RUFY1: variants seen among roughly 807,000 people sequenced by gnomAD.
RUFY1 encodes RUN and FYVE domain containing 1, also known as RUN and FYVE domain-containing protein 1.
In RUFY1, 54 loss-of-function variants were observed where a neutral mutation model predicts 94.6. The observed-to-expected ratio is 0.57, with a 90% confidence interval of 0.46 to 0.72. The LOEUF is 0.72. Ranked by LOEUF, RUFY1 falls within the 30% of genes least tolerant of loss-of-function variation. The pLI, the probability that RUFY1 is intolerant of heterozygous loss-of-function variation, is 0.00. For synonymous variants in RUFY1, 396 were observed against 347.3 expected, an observed-to-expected ratio of 1.14 and a Z score of -1.56; for missense variants, 883 against 883.9, an observed-to-expected ratio of 1.00 and a Z score of 0.01.
In RUFY1 at chr5:179,550,717, C is replaced by T; in HGVS notation, c.148C>T (p.Leu50=). 6.7e-7 allele frequency: 1 copy of T among 1,486,110 alleles called. No individual in the cohort carries two copies. The highest frequency in any genetic ancestry group is 1.3e-5 in the South Asian group (1 of 79,482). 92.1% of individuals were successfully genotyped at this position (1,486,110 alleles called of 1,614,324 possible). The change falls in exon 1 of 18, where the codon CTG becomes TTG. Residue 50 remains leucine, a synonymous_variant. Coordinates refer to ENST00000319449, the MANE Select transcript of RUFY1 (RefSeq NM_025158.5). ...AAGCCAGCTGCCCGGCCCAGGCGAC[C>T]TGCGGAGCGCAACGAGGCCGCGGGC... The part of the protein sequence containing the change: ...DRSQLPGPGD[L]RSATRPRAAE...
intron 1 of RUFY1, among the ~76,000 whole-genome samples, chr5:179,558,115 T>G (rs1450051732): frequency 6.6e-6 from 1 of 152,244 alleles, no homozygotes; most frequent in Non-Finnish European, 1.5e-5. Context: ...GCTTGGTGTC[T>G]TCTTTAAAGA....
intron 15 of RUFY1, among the ~76,000 whole-genome samples, chr5:179,605,035 T>C (rs1470680003): frequency 6.6e-6 from 1 of 151,324 alleles, no homozygotes; most frequent in Non-Finnish European, 1.5e-5. Context: ...TCCTAGCACT[T>C]TGGGAGGCTG....
chr5:179,602,828 C>G (rs1437369796), intron 15 of RUFY1: 1 of 152,272 alleles, frequency 6.6e-6, no homozygotes, highest in Non-Finnish European at 1.5e-5. Context: ...CAAACTCCCT[C>G]TTCTTTGTGC....
intron 1 of RUFY1, among the ~76,000 whole-genome samples, chr5:179,551,806 C>T (rs1761868515): frequency 6.7e-6 from 1 of 149,744 alleles, no homozygotes; most frequent in East Asian, 2.1e-4. Flanking sequence ...AGCCACCGCG[C>T]CCGGCCGGAT....
intron 14 of RUFY1, among the ~76,000 whole-genome samples, chr5:179,600,820 C>T (rs1766296497): frequency 6.6e-6 from 1 of 150,958 alleles, no homozygotes; most frequent in Non-Finnish European, 1.5e-5. Context: ...CCTCAGCCTC[C>T]CGAGTAGTTG....
chr5:179,588,821 C>T (rs905522148), intron 8 of RUFY1, among the ~76,000 whole-genome samples: 2 of 152,212 alleles, frequency 1.3e-5, no homozygotes, highest in Non-Finnish European at 2.9e-5. Flanking sequence ...ACCTCCGCCT[C>T]CTGGGCTCAA....
chr5:179,550,610 G>GGGAGCTGGAGCC lies in RUFY1; in HGVS notation c.56_67dup (p.Glu19_Pro22dup), dbSNP rs1387980208. On this transcript the variant is annotated inframe_insertion, in exon 1 of 18. Transcript: ENST00000319449. ...GGCGGCTGCGCTGCTGGGCGGGGGC[G>GGGAGCTGGAGCC]GGAGCTGGAGCCGGAGCTGGAGCCG... The GGGAGCTGGAGCC allele has an allele frequency of 1.4e-4, 186 of 1,317,244 alleles. No individual in the cohort carries two copies. The highest frequency in any genetic ancestry group is 1.6e-4 in the Non-Finnish European group (166 of 1,041,808). 81.6% of individuals were successfully genotyped at this position (1,317,244 alleles called of 1,614,324 possible). A position where few individuals can be genotyped will look rare whatever the true frequency, so the allele number is the denominator to read the frequency against.
chr5:179,602,402 C>T (rs1766532305), intron 15 of RUFY1: 1 of 162,040 alleles, frequency 6.2e-6, no homozygotes. Flanking sequence ...CAGCCCCCTT[C>T]CTTTCGGGGA....
intron 8 of RUFY1, chr5:179,589,318 G>C (rs1764852311): frequency 8.6e-6 from 4 of 466,712 alleles, no homozygotes; most frequent in Admixed American, 3.6e-5. Context: ...AGAAAATCTG[G>C]AGAGGGCAGA....
In RUFY1 at chr5:179,550,680, G is replaced by A. The variant is rs1364287608; in HGVS notation, c.111G>A (p.Glu37=). The change falls in exon 1 of 18, where the codon GAG becomes GAA. Residue 37 remains glutamate, a synonymous_variant. Coordinates refer to ENST00000319449, the MANE Select transcript of RUFY1 (RefSeq NM_025158.5). The part of the protein sequence containing the change: ...GSALEPGEEF[E]IVDRSQLPGP... ...CGCTTGAGCCGGGAGAAGAGTTTGA[G>A]ATCGTGGACCGAAGCCAGCTGCCCG... The A allele has an allele frequency of 4.0e-6, 6 of 1,498,802 alleles. No individual in the cohort carries two copies. The highest frequency in any genetic ancestry group is 2.0e-5 in the Admixed American group (1 of 49,044). The allele number at this position is 1,498,802 out of a possible 1,614,324, so 92.8% of individuals were successfully genotyped here.
chr5:179,576,112 T>C (rs1222325542), intron 5 of RUFY1, among the ~76,000 whole-genome samples: 1 of 152,074 alleles, frequency 6.6e-6, no homozygotes, highest in Non-Finnish European at 1.5e-5. Context: ...ATCTACTGCG[T>C]TCTTTGTTAT....
chr5:179,578,798 C>T (rs1470864218), intron 6 of RUFY1, among the ~76,000 whole-genome samples: 1 of 151,828 alleles, frequency 6.6e-6, no homozygotes, highest in Non-Finnish European at 1.5e-5. Flanking sequence ...ACATGTGCCA[C>T]CATGCCTGGC....
At chr5:179,559,773 C>G (rs1324983719) in intron 1 of RUFY1, 1 of 1,236,290 alleles carries the variant, frequency 8.1e-7, no homozygotes, top group African/African-American at 1.6e-5. Context: ...GCGGAGCCGT[C>G]TGGGAGAGGC....
intron 10 of RUFY1, 127 bp from the exon 11 acceptor site, chr5:179,593,350 AT>A (rs1765265234): frequency 9.2e-7 from 1 of 1,090,328 alleles, no homozygotes; most frequent in Non-Finnish European, 1.3e-6. Flanking sequence ...AGTGCTGAGG[AT>A]TACAGGCATG....
In RUFY1 at chr5:179,581,006, A is replaced by C. The variant is rs1312355039; in HGVS notation, c.950A>C (p.His317Pro). The C allele has an allele frequency of 1.2e-6, 2 of 1,601,270 alleles. No homozygotes were observed. The highest frequency in any genetic ancestry group is 1.7e-6 in the Non-Finnish European group (2 of 1,170,350). Residue 317 changes from histidine (H) to proline (P), a missense_variant, in exon 7 of 18, where the codon CAC (histidine) becomes CCC (proline). His to Pro is a moderately conservative substitution (Grantham distance 77). Transcript: ENST00000319449. ...QKNYVEELNR[H>P]LSCTVGDLQT... ...AATTATGTGGAAGAACTTAACCGGC[A>C]CTTGAGGTAAGACTCCTTTTTTTTT... is the stretch of plus-strand genomic sequence containing the variant.
chr5:179,586,230 C>T, intron 8 of RUFY1: 1 of 435,032 alleles, frequency 2.3e-6, no homozygotes, highest in South Asian at 1.8e-5. Context: ...AGCACAGACT[C>T]TGTCATAAGG....
At chr5:179,565,154 T>C (rs1003347920) in intron 3 of RUFY1, among the ~76,000 whole-genome samples, 4 of 148,786 alleles carry the variant, frequency 2.7e-5, no homozygotes, top group African/African-American at 7.4e-5. Context: ...TTTAATACTT[T>C]CTAGGTTTTC....
In RUFY1 at chr5:179,585,824, A is replaced by G. The variant is rs755724590; in HGVS notation, c.985A>G (p.Ile329Val). Residue 329 changes from isoleucine to valine, a missense_variant, in exon 8 of 18, where the codon ATA becomes GTA. Ile to Val is a conservative substitution (Grantham distance 29). Transcript: ENST00000319449. ...SCTVGDLQTK[I>V]DGLEKTNSKL... ...CACAGTTGGGGATCTTCAAACCAAGATAGATGGCTTGGAAAAGACTAACTC... is the reference window on the plus strand; with the variant it reads ...CACAGTTGGGGATCTTCAAACCAAGGTAGATGGCTTGGAAAAGACTAACTC... 1.1e-5 allele frequency: 18 copies of G among 1,613,900 alleles called. No individual in the cohort carries two copies. The highest frequency in any genetic ancestry group is 1.4e-5 in the Non-Finnish European group (16 of 1,179,746).
At chr5:179,594,294 C>T (rs150561453) in intron 11 of RUFY1, among the ~76,000 whole-genome samples, 76 of 146,862 alleles carry the variant, frequency 5.2e-4, no homozygotes, top group African/African-American at 1.9e-3. Context: ...AGCGCAACTC[C>T]AACTCGGGGG....
Sources: gnomAD v4.1 joint callset for allele counts (sites outside exome capture counted in the v4.1 genomes callset) on GRCh38, gnomAD v4.1.1 for gene constraint, MANE v1.5 for transcripts, NCBI Gene and HGNC (gene_info 2026-07-23, HGNC 2026-07-21) for gene names.